The following AFAP1 variants were observed in gnomAD, a reference collection of about 807,000 sequenced individuals.
AFAP1 encodes actin filament-associated protein 1.
AFAP1 carries 75 observed loss-of-function variants against 93.9 expected under a neutral mutation model. The observed-to-expected ratio is 0.80, with a 90% confidence interval of 0.66 to 0.97. The LOEUF is 0.97. Ranked by LOEUF, AFAP1 falls within the 50% of genes least tolerant of loss-of-function variation. The pLI, the probability that AFAP1 is intolerant of heterozygous loss-of-function variation, is 0.00. For synonymous variants in AFAP1, 517 were observed against 430.7 expected (o/e 1.20, Z -2.48); for missense variants, 1,201 against 1,050.8 (o/e 1.14, Z -1.98).
At chr4:7,809,374 A>AT in intron 9 of AFAP1, 2 of 347,728 alleles carry the variant, frequency 5.8e-6, no homozygotes, top group Non-Finnish European at 9.9e-6. Flanking sequence ...ATTAAAGGGA[A>AT]ATTTTTTTTT....
chr4:7,819,057 G>C lies in AFAP1; in HGVS notation c.822+19C>G, dbSNP rs1720732643. On this transcript the variant is annotated intron_variant, in intron 7 of 17. Transcript: ENST00000420658. ...ACTGCAAGGTCACCGTCCCCACCCA[G>C]CAAGAGCAGCGCCCTTACCTTCTCC... 6.3e-7 allele frequency: 1 copy of C among 1,579,584 alleles called. No homozygotes were observed. Among genetic ancestry groups the C allele is most frequent in the South Asian group, 1.2e-5 (1 of 85,878 alleles).
At chr4:7,861,242 C>T (rs1470332163) in intron 3 of AFAP1, among the ~76,000 whole-genome samples, 1 of 152,196 alleles carries the variant, frequency 6.6e-6, no homozygotes, top group African/African-American at 2.4e-5. Flanking sequence ...CACATATTGG[C>T]GAAACCCTTT....
chr4:7,820,413 G>A (rs1455719859), intron 6 of AFAP1, among the ~76,000 whole-genome samples: 2 of 152,320 alleles, frequency 1.3e-5, no homozygotes, highest in African/African-American at 4.8e-5. Context: ...GAGTTTACCA[G>A]GGAAGATGGC....
chr4:7,775,793 A>G (rs1212484295), intron 14 of AFAP1: 1 of 152,190 alleles, frequency 6.6e-6, no homozygotes, highest in Non-Finnish European at 1.5e-5. Context: ...AAGAGCAGGC[A>G]ATTCACTGAG....
At chr4:7,805,354 A>G (rs1364991435) in intron 9 of AFAP1, among the ~76,000 whole-genome samples, 2 of 152,226 alleles carry the variant, frequency 1.3e-5, no homozygotes, top group African/African-American at 4.8e-5. Flanking sequence ...CCCAGGCTCC[A>G]TGAAGCCTCC....
intron 14 of AFAP1, 159 bp downstream of exon 14, chr4:7,778,603 T>C (rs751686656): frequency 6.8e-6 from 5 of 731,130 alleles, no homozygotes; most frequent in African/African-American, 1.7e-5. Flanking sequence ...AAATCGCCAC[T>C]GTCCTTCTAT....
At chr4:7,857,766 T>C in intron 3 of AFAP1, among the ~76,000 whole-genome samples, 1 of 152,188 alleles carries the variant, frequency 6.6e-6, no homozygotes. Flanking sequence ...ATTCATGTCC[T>C]GGAAAAGCAC....
chr4:7,789,592 A>T (rs1717651278), intron 11 of AFAP1, among the ~76,000 whole-genome samples: 1 of 129,996 alleles, frequency 7.7e-6, no homozygotes, highest in South Asian at 2.4e-4. Context: ...GCTCCGCACC[A>T]GCCGCTGCTT....
chr4:7,834,355 G>A (rs985610174), intron 6 of AFAP1, among the ~76,000 whole-genome samples: 3 of 152,134 alleles, frequency 2.0e-5, no homozygotes, highest in African/African-American at 7.2e-5. Flanking sequence ...TGGGGATTCA[G>A]GGAAAAAGGG....
At chr4:7,800,687 C>G in intron 9 of AFAP1, 34 bp from the exon 10 acceptor site, 1 of 1,611,350 alleles carries the variant, frequency 6.2e-7, no homozygotes, top group Non-Finnish European at 8.5e-7. Context: ...TCAGCCGCCT[C>G]GGACAAGACC....
intron 14 of AFAP1, 45 bp from the exon 15 acceptor site, chr4:7,774,948 C>G (rs777699090): frequency 6.3e-7 from 1 of 1,593,030 alleles, no homozygotes; most frequent in South Asian, 1.1e-5. Flanking sequence ...GGTTTACTAG[C>G]CTGGGAAATA....
chr4:7,815,608 T>C (rs959747781), intron 8 of AFAP1, among the ~76,000 whole-genome samples: 7 of 152,132 alleles, frequency 4.6e-5, no homozygotes, highest in African/African-American at 1.7e-4. Context: ...AGAGCTTGAA[T>C]GGGAAAGTGG....
rs2148920808 is a variant in AFAP1, at chr4:7,758,807, A to G, written c.*4958T>C. On this transcript the variant is annotated 3_prime_UTR_variant, in exon 18 of 18. Transcript: ENST00000420658. Reference sequence around the variant, plus strand: ...GAAACAGTAGAAAATTCAACCAGGAAAGCAGGAAATTCAGTGAAGCTACTA... The same window carrying G: ...GAAACAGTAGAAAATTCAACCAGGAGAGCAGGAAATTCAGTGAAGCTACTA... The G allele has an allele frequency of 6.6e-6, 1 of 152,236 alleles. No homozygotes were observed. The highest frequency in any genetic ancestry group is 1.9e-4 in the East Asian group (1 of 5,202). 9.4% of individuals were successfully genotyped at this position (152,236 alleles called of 1,614,324 possible).
intron 4 of AFAP1, among the ~76,000 whole-genome samples, chr4:7,854,955 G>C (rs1714881359): frequency 1.3e-5 from 2 of 152,154 alleles, no homozygotes; most frequent in South Asian, 4.1e-4. Flanking sequence ...GGGGCCAGGA[G>C]AACCAGAACT....
intron 16 of AFAP1, among the ~76,000 whole-genome samples, chr4:7,770,161 G>A (rs1184571069): frequency 6.6e-6 from 1 of 152,090 alleles, no homozygotes; most frequent in African/African-American, 2.4e-5. Context: ...ACAGTGGACT[G>A]GGAGCGGGGA....
intron 1 of AFAP1, among the ~76,000 whole-genome samples, chr4:7,891,704 G>A (rs542055630): frequency 6.0e-5 from 8 of 133,646 alleles, no homozygotes; most frequent in African/African-American, 1.9e-4. Flanking sequence ...AAACAAAGGG[G>A]AAAGAAAAGG....
chr4:7,811,518 C>A (rs146414091), intron 8 of AFAP1, among the ~76,000 whole-genome samples: 14 of 152,100 alleles, frequency 9.2e-5, no homozygotes, highest in African/African-American at 3.4e-4. Context: ...TCTGCCTCCA[C>A]CCTGGTGCCC....
chr4:7,828,500 T>TA (rs1721628403), intron 6 of AFAP1, among the ~76,000 whole-genome samples: 1 of 152,160 alleles, frequency 6.6e-6, no homozygotes, highest in Non-Finnish European at 1.5e-5. Flanking sequence ...AGCGGTGATG[T>TA]AAGTCCAGTT....
At chr4:7,914,118 G>T (rs573474020) in intron 1 of AFAP1, among the ~76,000 whole-genome samples, 1 of 151,426 alleles carries the variant, frequency 6.6e-6, no homozygotes, top group East Asian at 1.9e-4. Context: ...GCAGTGGCGC[G>T]ATCTCAGCTC....
Sources: gnomAD v4.1 joint callset for allele counts (sites outside exome capture counted in the v4.1 genomes callset) on GRCh38, gnomAD v4.1.1 for gene constraint, MANE v1.5 for transcripts, NCBI Gene and HGNC (gene_info 2026-07-23, HGNC 2026-07-21) for gene names.